FMNL2: variants seen among roughly 807,000 people sequenced by gnomAD.
FMNL2 encodes formin-like protein 2.
FMNL2 carries 51 observed loss-of-function variants against 130.2 expected under a neutral mutation model. The observed-to-expected ratio is 0.39, with a 90% CI of 0.31 to 0.49. FMNL2 has a LOEUF of 0.49. Among genes scored for constraint, FMNL2 ranks in the 20% least tolerant of loss-of-function variants. The pLI is 0.85. For missense variants in FMNL2, 977 were observed against 1,316.2 expected (o/e 0.74, Z 3.99); for synonymous variants, 465 against 467.1 (o/e 1.00, Z 0.06).
chr2:152,646,692 T>C (rs1683606724), intron 25 of FMNL2, among the ~76,000 whole-genome samples: 1 of 152,184 alleles, frequency 6.6e-6, no homozygotes, highest in Admixed American at 6.5e-5. Flanking sequence ...TTCAATTTGG[T>C]TTAATTCTGT....
chr2:152,393,247 C>T (rs1051665255), intron 1 of FMNL2, among the ~76,000 whole-genome samples: 11 of 152,152 alleles, frequency 7.2e-5, no homozygotes, highest in Non-Finnish European at 1.2e-4. Context: ...ATTAAATGTA[C>T]ATGATTATAA....
chr2:152,406,166 TAGAG>T (rs1685968890), intron 1 of FMNL2, among the ~76,000 whole-genome samples: 1 of 152,204 alleles, frequency 6.6e-6, no homozygotes, highest in South Asian at 2.1e-4. Flanking sequence ...CCTTCAGTAG[TAGAG>T]AATGTCTGCA....
intron 14 of FMNL2, 74 bp from the exon 15 acceptor site, chr2:152,619,435 A>C (rs1272866450): frequency 6.5e-7 from 1 of 1,542,474 alleles, no homozygotes; most frequent in African/African-American, 1.4e-5. Flanking sequence ...AGATGGCTTT[A>C]TATGCACATG....
intron 9 of FMNL2, among the ~76,000 whole-genome samples, chr2:152,581,258 T>G (rs530050700): frequency 3.3e-5 from 5 of 152,330 alleles, no homozygotes; most frequent in African/African-American, 7.2e-5. Context: ...GTACTCTTTT[T>G]TTGTTGTTGT....
intron 1 of FMNL2, among the ~76,000 whole-genome samples, chr2:152,497,610 G>GTA: frequency 6.6e-6 from 1 of 152,042 alleles, no homozygotes; most frequent in East Asian, 1.9e-4. Flanking sequence ...TATCCTTCCT[G>GTA]TATATATATT....
intron 1 of FMNL2, among the ~76,000 whole-genome samples, chr2:152,351,196 C>A (rs1682462748): frequency 6.6e-6 from 1 of 152,120 alleles, no homozygotes; most frequent in Non-Finnish European, 1.5e-5. Flanking sequence ...ATTATTATTT[C>A]TTTTAAATTT....
intron 25 of FMNL2, among the ~76,000 whole-genome samples, chr2:152,644,412 G>A (rs550941679): frequency 1.3e-5 from 2 of 152,302 alleles, no homozygotes; most frequent in African/African-American, 4.8e-5. Context: ...ATGCACAGCT[G>A]CAAATCAGGC....
intron 24 of FMNL2, among the ~76,000 whole-genome samples, chr2:152,640,572 T>G (rs1012375050): frequency 1.3e-5 from 2 of 152,256 alleles, no homozygotes; most frequent in African/African-American, 4.8e-5. Context: ...GACTCCAGCC[T>G]TCTTGTTGCT....
At chr2:152,336,106 AC>A (rs1681421376) in intron 1 of FMNL2, among the ~76,000 whole-genome samples, 2 of 150,330 alleles carry the variant, frequency 1.3e-5, no homozygotes, top group African/African-American at 4.9e-5. Context: ...ACAAAACAAA[AC>A]AAAACAAAAC....
chr2:152,470,996 G>T (rs1689830090), intron 1 of FMNL2, among the ~76,000 whole-genome samples: 1 of 152,154 alleles, frequency 6.6e-6, no homozygotes, highest in Non-Finnish European at 1.5e-5. Context: ...AACTGTCATT[G>T]CTGTTCATTT....
At chr2:152,395,342 G>A (rs2105942010) in intron 1 of FMNL2, among the ~76,000 whole-genome samples, 1 of 152,314 alleles carries the variant, frequency 6.6e-6, no homozygotes, top group South Asian at 2.1e-4. Context: ...TTGCCATCAA[G>A]TTCTAGGCAA....
rs1431773515 is a variant in FMNL2 at position 152,390,282 on chromosome 2, C to T, written c.117+54562C>T. ...CCTCCGGGTGGGGCTCAAGGGGCAG[C>T]CAGCAATCATCGATGGGGAGCTCTA... is the stretch of plus-strand genomic sequence containing the variant. On this transcript the variant is annotated intron_variant, in intron 1 of 25. Transcript: ENST00000288670. 7.2e-6 allele frequency: 10 copies of T among 1,379,956 alleles called. No individual in the cohort carries two copies. The East Asian group carries it at 2.1e-4, about 28-fold the overall frequency. The allele number at this position is 1,379,956 out of a possible 1,614,324, so 85.5% of individuals were successfully genotyped here. A position where few individuals can be genotyped will look rare whatever the true frequency, so the allele number is the denominator to read the frequency against.
rs370307219 is a variant in FMNL2 at position 152,596,169 on chromosome 2, G to A, written c.877-11170G>A. ...GTAGAGATGGGGTTTTGCCATATTG[G>A]CCAGGCTGGTCTTGAACTCCTGACC... is the stretch of plus-strand genomic sequence containing the variant. On this transcript the variant is annotated intron_variant, in intron 9 of 25. Coordinates refer to ENST00000288670, the MANE Select transcript of FMNL2 (RefSeq NM_052905.4). Among the ~76,000 whole-genome samples the A allele has an allele frequency of 1.2e-4, 18 of 151,584 alleles. No individual in the cohort carries two copies. The East Asian group carries it at 1.7e-3, about 15-fold the overall frequency.
At position 152,619,558 on chromosome 2, in the gene FMNL2, T is replaced by TCCA; in HGVS notation, c.1679_1680insACC (p.Pro573dup). On this transcript the variant is annotated inframe_insertion, in exon 15 of 26. Coordinates refer to ENST00000288670, the MANE Select transcript of FMNL2 (RefSeq NM_052905.4). ...CTATGCCACCGCCGCCGCCGCCCCCTCCTCCACCTCCTCCTCCCCCACCGC... is the reference window on the plus strand; with the variant it reads ...CTATGCCACCGCCGCCGCCGCCCCCTCCACCTCCACCTCCTCCTCCCCCACCGC... 2.1e-6 allele frequency: 1 copy of TCCA among 481,618 alleles called. No homozygotes were observed. The highest frequency in any genetic ancestry group is 7.0e-5 in the African/African-American group (1 of 14,374). 29.8% of individuals were successfully genotyped at this position (481,618 alleles called of 1,614,324 possible).
intron 1 of FMNL2, among the ~76,000 whole-genome samples, chr2:152,425,009 T>C (rs1283035119): frequency 1.3e-5 from 2 of 152,220 alleles, no homozygotes; most frequent in Non-Finnish European, 2.9e-5. Flanking sequence ...TGTATCATTT[T>C]TGTTCTAGTT....
At position 152,443,611 on chromosome 2, in the gene FMNL2, G is replaced by A. The variant is rs148599885; in HGVS notation, c.118-78332G>A. Among the ~76,000 whole-genome samples, 661 of 152,280 alleles carry A rather than the reference G, an allele frequency of 4.3e-3. 6 individuals are homozygous for A. The highest frequency in any genetic ancestry group is 0.015 in the African/African-American group (636 of 41,564). On this transcript the variant is annotated intron_variant, in intron 1 of 25. Transcript: ENST00000288670. ...TAATCCTAGCACTCTGGGAGGCTGAGGTGGGCGGATCACTTGAGGTCAGGA... is the reference window on the plus strand; with the variant it reads ...TAATCCTAGCACTCTGGGAGGCTGAAGTGGGCGGATCACTTGAGGTCAGGA...
chr2:152,642,014 C>T lies in FMNL2; in HGVS notation c.3169+1100C>T, dbSNP rs373236382. Among the ~76,000 whole-genome samples the T allele has an allele frequency of 6.6e-5, 10 of 151,832 alleles. No homozygotes were observed. In the East Asian group the frequency reaches 1.2e-3, roughly 18 times the overall value. The stretch of plus-strand genomic sequence containing the variant: ...GGAGTGCAGTGGTGCTATCTCAGCT[C>T]ACTGCAAGCTTTGCCTCCTGGGTTC... On this transcript the variant is annotated intron_variant, in intron 25 of 25. Coordinates refer to ENST00000288670, the MANE Select transcript of FMNL2 (RefSeq NM_052905.4).
At chr2:152,604,366 T>G (rs1291566161) in intron 9 of FMNL2, among the ~76,000 whole-genome samples, 1 of 150,944 alleles carries the variant, frequency 6.6e-6, no homozygotes, top group Non-Finnish European at 1.5e-5. Flanking sequence ...CAAAAGGCAT[T>G]TTTCAGCTTT....
At chr2:152,402,396 C>G (rs1685755501) in intron 1 of FMNL2, among the ~76,000 whole-genome samples, 2 of 152,278 alleles carry the variant, frequency 1.3e-5, no homozygotes, top group Middle Eastern at 3.4e-3. Context: ...GATCCTTTCC[C>G]TCTTGGAAAA....
Sources: allele counts gnomAD v4.1 joint callset (sites outside exome capture counted in the v4.1 genomes callset), GRCh38; gene constraint gnomAD v4.1.1; transcripts MANE v1.5; gene names NCBI Gene and HGNC (gene_info 2026-07-23, HGNC 2026-07-21).